The following SCEL variants were observed in gnomAD, a reference collection of about 807,000 sequenced individuals.
The protein encoded by SCEL is sciellin.
Under a neutral mutation model 117.6 loss-of-function variants are expected in SCEL, and 113 were observed. The ratio of observed to expected loss-of-function variants is 0.96; its 90% CI spans 0.83 to 1.12. The LOEUF is 1.12. SCEL is among the 50% of genes most tolerant of loss of function. SCEL has a pLI of 0.00. For missense variants in SCEL, 785 were observed against 810.8 expected, an observed-to-expected ratio of 0.97 and a Z score of 0.39; for synonymous variants, 270 against 256.2, an observed-to-expected ratio of 1.05 and a Z score of -0.51.
intron 9 of SCEL, among the ~76,000 whole-genome samples, chr13:77,575,077 C>G (rs1359781803): frequency 1.3e-5 from 2 of 152,148 alleles, no homozygotes; most frequent in African/African-American, 4.8e-5. Context: ...CTGGAATTTC[C>G]TCCCTTGACC....
At chr13:77,615,847 A>G (rs1291590748) in intron 24 of SCEL, among the ~76,000 whole-genome samples, 1 of 152,050 alleles carries the variant, frequency 6.6e-6, no homozygotes, top group Admixed American at 6.6e-5. Context: ...TTCTAAGCTA[A>G]TGTTTCTCAA....
Position 77,643,809 on chromosome 13 carries a change from C to G in SCEL, c.2051-449C>G, listed in dbSNP as rs573027519. ...TACTTTGCCTTCTATATTCTGCTTCCCCCAGAGAGTTCTCATATTCACTTT... is the reference window on the plus strand; with the variant it reads ...TACTTTGCCTTCTATATTCTGCTTCGCCCAGAGAGTTCTCATATTCACTTT... On this transcript the variant is annotated intron_variant, in intron 32 of 32. Transcript: ENST00000349847. 2.0e-4 allele frequency among the ~76,000 whole-genome samples: 31 copies of G among 152,134 alleles called. No individual in the cohort carries two copies. The South Asian group carries it at 6.5e-3, about 32-fold the overall frequency.
chr13:77,572,365 T>C (rs1240513700), intron 9 of SCEL, among the ~76,000 whole-genome samples, 176 bp downstream of exon 9: 1 of 152,200 alleles, frequency 6.6e-6, no homozygotes, highest in Non-Finnish European at 1.5e-5. Context: ...AGTACCCTGA[T>C]AGGACATCTG....
At chr13:77,602,912 A>G (rs2087819991) in intron 17 of SCEL, 164 bp from the exon 18 acceptor site, 5 of 626,106 alleles carry the variant, frequency 8.0e-6, no homozygotes, top group Admixed American at 6.5e-5. Context: ...CTAAGGATTA[A>G]TTAAACTATG....
chr13:77,635,527 A>G (rs1334711269), intron 29 of SCEL, among the ~76,000 whole-genome samples: 6 of 152,280 alleles, frequency 3.9e-5, no homozygotes, highest in African/African-American at 1.4e-4. Flanking sequence ...ATACATTTTG[A>G]TTTTTAAAGA....
intron 28 of SCEL, among the ~76,000 whole-genome samples, chr13:77,633,587 C>G (rs116733737): frequency 0.018 from 2,724 of 151,922 alleles, 76 homozygotes; most frequent in African/African-American, 0.061. Context: ...TGTTTGCTTT[C>G]TGAGGCTAGA....
chr13:77,618,370 A>T (rs969384221), intron 27 of SCEL, among the ~76,000 whole-genome samples: 2 of 151,766 alleles, frequency 1.3e-5, no homozygotes, highest in Admixed American at 6.6e-5. Context: ...TTTTTTAGAG[A>T]TGGGGTCTTA....
chr13:77,580,787 T>C (rs1171613942), intron 9 of SCEL, among the ~76,000 whole-genome samples: 1 of 152,208 alleles, frequency 6.6e-6, no homozygotes, highest in Non-Finnish European at 1.5e-5. Context: ...TAATATTTGA[T>C]AAAATTAAAG....
At chr13:77,638,215 G>A (rs1475937999) in intron 30 of SCEL, among the ~76,000 whole-genome samples, 3 of 152,062 alleles carry the variant, frequency 2.0e-5, no homozygotes, top group Non-Finnish European at 4.4e-5. Flanking sequence ...GGAAACATGG[G>A]TGAACCAGGT....
chr13:77,566,728 G>A (rs1002328357), intron 5 of SCEL, among the ~76,000 whole-genome samples: 3 of 152,082 alleles, frequency 2.0e-5, no homozygotes, highest in African/African-American at 7.2e-5. Context: ...AGTGACTCAG[G>A]GACCTAAGTT....
intron 4 of SCEL, among the ~76,000 whole-genome samples, chr13:77,562,523 C>G (rs1488155678): frequency 6.6e-6 from 1 of 152,218 alleles, no homozygotes; most frequent in African/African-American, 2.4e-5. Context: ...GCACTTCATT[C>G]CATAAAGCCT....
intron 16 of SCEL, 89 bp downstream of exon 16, chr13:77,602,213 G>A (rs1229665303): frequency 7.3e-6 from 8 of 1,095,130 alleles, no homozygotes; most frequent in Non-Finnish European, 1.1e-5. Flanking sequence ...GCTTTCCTTT[G>A]TGGCAGTGAA....
chr13:77,546,531 C>T (rs1242925901), intron 1 of SCEL, among the ~76,000 whole-genome samples: 2 of 152,078 alleles, frequency 1.3e-5, no homozygotes, highest in African/African-American at 2.4e-5. Flanking sequence ...ACAAGTGATC[C>T]TTCTTGCTAG....
At chr13:77,596,688 GGTGTGTGTGTGT>G (rs71102762) in intron 12 of SCEL, among the ~76,000 whole-genome samples, 19 of 145,466 alleles carry the variant, frequency 1.3e-4, no homozygotes, top group East Asian at 8.1e-4. Flanking sequence ...GGTGGGGCAA[GGTGTGTGTGTGT>G]GTGTGTGTGT....
intron 9 of SCEL, among the ~76,000 whole-genome samples, chr13:77,585,329 A>G (rs2086499706): frequency 6.6e-6 from 1 of 152,184 alleles, no homozygotes; most frequent in South Asian, 2.1e-4. Flanking sequence ...ATACTCCTAA[A>G]CCAAAGTCTG....
intron 1 of SCEL, among the ~76,000 whole-genome samples, chr13:77,543,538 A>G (rs1269124415): frequency 6.6e-6 from 1 of 152,128 alleles, no homozygotes; most frequent in African/African-American, 2.4e-5. Context: ...TCCAAATGTC[A>G]CTCTATGTAA....
chr13:77,585,548 A>G (rs927567227), intron 9 of SCEL, among the ~76,000 whole-genome samples: 6 of 152,002 alleles, frequency 3.9e-5, no homozygotes, highest in Non-Finnish European at 8.8e-5. Context: ...CTTCAATGTC[A>G]CCATCAACAT....
Position 77,591,542 on chromosome 13 carries a change from A to G in SCEL, c.692+82A>G. ...TCAGCACATTAAAAAATGCAAGGCA[A>G]TTAATAATAAGGTAGACAAAATCAG... On this transcript the variant is annotated intron_variant, in intron 11 of 32. Coordinates refer to ENST00000349847, the MANE Select transcript of SCEL (RefSeq NM_144777.3). The G allele has an allele frequency of 1.4e-5, 11 of 782,070 alleles. No individual in the cohort carries two copies. In the South Asian group the frequency reaches 1.9e-4, roughly 13 times the overall value. 48.4% of individuals were successfully genotyped at this position (782,070 alleles called of 1,614,324 possible).
At chr13:77,634,510 T>G in intron 29 of SCEL, 60 bp downstream of exon 29, 2 of 1,224,618 alleles carry the variant, frequency 1.6e-6, no homozygotes, top group Non-Finnish European at 2.4e-6. Flanking sequence ...GGATCTATGT[T>G]TAATAAGAGA....
Sources: allele counts gnomAD v4.1 joint callset (sites outside exome capture counted in the v4.1 genomes callset), GRCh38; gene constraint gnomAD v4.1.1; transcripts MANE v1.5; gene names NCBI Gene and HGNC (gene_info 2026-07-23, HGNC 2026-07-21).